R3HDM4: variants seen among roughly 807,000 people sequenced by gnomAD.
R3HDM4 encodes the protein R3H domain containing 4, also known as R3H domain-containing protein 4.
Under a neutral mutation model 31.3 loss-of-function variants are expected in R3HDM4, and 30 were observed. The observed-to-expected ratio is 0.96, with a 90% confidence interval of 0.72 to 1.30. The LOEUF (loss-of-function observed/expected upper bound fraction) is 1.30, where lower values mean the gene tolerates loss of function less well. R3HDM4 is among the 50% of genes most tolerant of loss of function. The pLI is 0.00. For missense variants in R3HDM4, 444 were observed against 366.1 expected (o/e 1.21, Z -1.74); for synonymous variants, 196 against 156.6 (o/e 1.25, Z -1.88).
chr19:904,354 G>A (rs1238696312), intron 1 of R3HDM4, among the ~76,000 whole-genome samples: 4 of 152,134 alleles, frequency 2.6e-5, no homozygotes, highest in African/African-American at 4.8e-5. Context: ...CACAGGAGAC[G>A]CTCAGAAAAA....
At chr19:905,350 C>CA (rs528965473) in intron 1 of R3HDM4, among the ~76,000 whole-genome samples, 87 of 151,218 alleles carry the variant, frequency 5.8e-4, no homozygotes, top group African/African-American at 2.0e-3. Flanking sequence ...ACTAAAAATA[C>CA]AAAAATTAGC....
chr19:898,641 G>A (rs1484307194), intron 7 of R3HDM4, among the ~76,000 whole-genome samples: 2 of 151,164 alleles, frequency 1.3e-5, no homozygotes, highest in Admixed American at 6.6e-5. Flanking sequence ...AAAGAGCCAC[G>A]TCCCATGTGA....
intron 1 of R3HDM4, among the ~76,000 whole-genome samples, chr19:910,323 C>CA (rs34077492): frequency 0.18 from 25,180 of 142,024 alleles, 3,222 homozygotes; most frequent in African/African-American, 0.38. Flanking sequence ...GAAACCATCT[C>CA]AAAAAAAAAA....
chr19:901,480 G>A lies in R3HDM4; in HGVS notation c.293C>T (p.Ala98Val). 6.2e-7 allele frequency: 1 copy of A among 1,609,368 alleles called. No homozygotes were observed. The highest frequency in any genetic ancestry group is 2.2e-5 in the East Asian group (1 of 44,842). ...GLPGLEDGDL[A>V]PPASPGIFAE... is the part of the protein sequence containing the mutation. ...AAAGATGCCTGGTGATGCAGGGGGT[G>A]CCAAGTCCCCATCCTCCAGGCCAGG... is the stretch of plus-strand genomic sequence containing the variant. The change falls in exon 3 of 8, where the codon GCA becomes GTA. Residue 98 changes from alanine (A) to valine (V), a missense_variant. By Grantham distance (64) the Ala-to-Val change is moderately conservative. Coordinates refer to ENST00000361574, the MANE Select transcript of R3HDM4 (RefSeq NM_138774.4).
Position 899,310 on chromosome 19 carries a change from C to G in R3HDM4, c.703+130G>C. ...CCCACTGCCACCCCTGAGTTCGTAG[C>G]GTCCCCACTCCAGCCCCCTTCCCCA... is the stretch of plus-strand genomic sequence containing the variant. On this transcript the variant is annotated intron_variant, in intron 7 of 7. Coordinates refer to ENST00000361574, the MANE Select transcript of R3HDM4 (RefSeq NM_138774.4). This position sits in a 1 kb window ranked among gnomAD's most constrained non-coding sequence, Gnocchi z 6.8. The G allele has an allele frequency of 1.5e-5, 14 of 907,940 alleles. No individual in the cohort carries two copies. The highest frequency in any genetic ancestry group is 2.4e-5 in the Non-Finnish European group (14 of 575,452). 56.2% of individuals were successfully genotyped at this position (907,940 alleles called of 1,614,324 possible). A position where few individuals can be genotyped will look rare whatever the true frequency, so the allele number is the denominator to read the frequency against.
In R3HDM4 at chr19:899,665, C is replaced by A. The variant is rs1474607050; in HGVS notation, c.583G>T (p.Glu195Ter). 1 of 1,598,072 alleles carries A rather than the reference C, an allele frequency of 6.3e-7. No individual in the cohort carries two copies. The highest frequency in any genetic ancestry group is 8.5e-7 in the Non-Finnish European group (1 of 1,171,582). ...ACGGAGAAGAACCGAAGCAGCCGCTCCTCCCAGGTCTCCAGCGTTTCCTGG... is the reference window on the plus strand; with the variant it reads ...ACGGAGAAGAACCGAAGCAGCCGCTACTCCCAGGTCTCCAGCGTTTCCTGG... ...IPMETLETWE[E>*]RLLRFFSVSP... The change falls in exon 6 of 8, where the codon GAG becomes TAG. Residue 195 changes from glutamate (E) to a stop codon, truncating the protein, a stop_gained. Coordinates refer to ENST00000361574, the MANE Select transcript of R3HDM4 (RefSeq NM_138774.4). LOFTEE classifies it high-confidence loss of function. This position sits in a 1 kb window ranked among gnomAD's most constrained non-coding sequence, Gnocchi z 6.8.
rs2036835173 is a variant in R3HDM4 at position 901,415 on chromosome 19, G to A, written c.351+7C>T. The stretch of plus-strand genomic sequence containing the variant: ...TGTGGAGGGAGTGAGGGGGTTGGGG[G>A]CCACACCTCCACATAGGTGGCGTTG... On this transcript the variant is annotated splice_region_variant and intron_variant, in intron 3 of 7. Transcript: ENST00000361574. 3 of 1,602,778 alleles carry A rather than the reference G, an allele frequency of 1.9e-6. No homozygotes were observed. The highest frequency in any genetic ancestry group is 2.5e-6 in the Non-Finnish European group (3 of 1,178,568).
rs2036823476 is a variant in R3HDM4 at position 900,826 on chromosome 19, C to A, written c.475+3G>T. The stretch of plus-strand genomic sequence containing the variant: ...CCCATACCCGCCCCAGCCAGGCCCG[C>A]ACCTCTCCTCCGGTCCTCCCCACGG... On this transcript the variant is annotated splice_donor_region_variant and intron_variant, in intron 4 of 7. Transcript: ENST00000361574. 5.2e-6 allele frequency: 8 copies of A among 1,537,478 alleles called. No individual in the cohort carries two copies. The highest frequency in any genetic ancestry group is 7.0e-6 in the Non-Finnish European group (8 of 1,142,682).
Position 900,807 on chromosome 19 carries a change from C to G in R3HDM4, c.475+22G>C, listed in dbSNP as rs1484607809. On this transcript the variant is annotated intron_variant, in intron 4 of 7. Transcript: ENST00000361574. ...CATCCATACCCTGGCCCCACCCATACCCGCCCCAGCCAGGCCCGCACCTCT... is the reference window on the plus strand; with the variant it reads ...CATCCATACCCTGGCCCCACCCATAGCCGCCCCAGCCAGGCCCGCACCTCT... The G allele has an allele frequency of 9.2e-6, 6 of 649,002 alleles. 1 individual carries two copies. The highest frequency in any genetic ancestry group is 4.6e-5 in the South Asian group (3 of 65,192). 40.2% of individuals were successfully genotyped at this position (649,002 alleles called of 1,614,324 possible).
intron 1 of R3HDM4, among the ~76,000 whole-genome samples, chr19:910,885 C>T (rs895926672): frequency 2.0e-5 from 3 of 151,642 alleles, no homozygotes; most frequent in Non-Finnish European, 4.4e-5. Context: ...TTTGGGAGGC[C>T]AAGGCGGGCA....
rs928474361 is a variant in R3HDM4 at position 907,424 on chromosome 19, C to G, written c.72-5294G>C. Among the ~76,000 whole-genome samples, 1 of 152,148 alleles carries G rather than the reference C, an allele frequency of 6.6e-6. No individual in the cohort carries two copies. Among genetic ancestry groups the G allele is most frequent in the South Asian group, 2.1e-4 (1 of 4,818 alleles). ...CAGGGCCGATAACAGAAGTGACATC[C>G]GAGGGGAGCCCTCGGGGAAGTCAGA... is the stretch of plus-strand genomic sequence containing the variant. On this transcript the variant is annotated intron_variant, in intron 1 of 7. Coordinates refer to ENST00000361574, the MANE Select transcript of R3HDM4 (RefSeq NM_138774.4). The surrounding 1 kb of genome is among the most constrained non-coding windows in gnomAD (Gnocchi z 4.1).
rs1477328739 is a variant in R3HDM4, at chr19:897,484, G to A, written c.760C>T (p.Leu254=). Residue 254 remains leucine (L), a synonymous_variant, in exon 8 of 8, where the codon CTG becomes TTG. Transcript: ENST00000361574. ...MKVSNRHLDF[L]PPGLLLSAYL... ...GCGGACAGGAGCAGCCCCGGCGGCA[G>A]GAAATCCAGGTGCCGATTACTGACC... 1 of 1,613,094 alleles carries A rather than the reference G, an allele frequency of 6.2e-7. No individual in the cohort carries two copies. The highest frequency in any genetic ancestry group is 1.1e-5 in the South Asian group (1 of 90,980).
rs769492622 is a variant in R3HDM4 at position 900,068 on chromosome 19, A to G, written c.554T>C (p.Ile185Thr). 2 of 1,611,838 alleles carry G rather than the reference A, an allele frequency of 1.2e-6. No individual in the cohort carries two copies. Among genetic ancestry groups the G allele is most frequent in the South Asian group, 2.2e-5 (2 of 91,048 alleles). The change falls in exon 5 of 8, where the codon ATC becomes ACC. Residue 185 changes from isoleucine (I) to threonine (T), a missense_variant. Coordinates refer to ENST00000361574, the MANE Select transcript of R3HDM4 (RefSeq NM_138774.4). ...CGGCAATCCCCCACTCACCATGGGG[A>G]TGCGGCTGCGCTTGAGGACGGCTCG... ...RLRAVLKRSRIPMETLETWEE... is the reference protein window; with the variant it reads ...RLRAVLKRSRTPMETLETWEE...
In R3HDM4 at chr19:901,704, C is replaced by T. The variant is rs774639247; in HGVS notation, c.227-158G>A. On this transcript the variant is annotated intron_variant, in intron 2 of 7. Coordinates refer to ENST00000361574, the MANE Select transcript of R3HDM4 (RefSeq NM_138774.4). ...CCAGAAGGTACAGAGACCACCTAGA[C>T]CCCAGGTTCTGGATTGTCGAACTCC... is the stretch of plus-strand genomic sequence containing the variant. 9.2e-5 allele frequency: 96 copies of T among 1,042,082 alleles called. 2 individuals are homozygous for T. The highest frequency in any genetic ancestry group is 1.2e-4 in the Non-Finnish European group (91 of 736,308). The allele number at this position is 1,042,082 out of a possible 1,614,324, so 64.6% of individuals were successfully genotyped here.
At chr19:912,963 G>A (rs1371392741) in intron 1 of R3HDM4, 124 bp downstream of exon 1, 11 of 269,486 alleles carry the variant, frequency 4.1e-5, no homozygotes, top group Admixed American at 6.3e-5. Flanking sequence ...CAACGGGAGC[G>A]AGGGGAACGA....
Position 899,944 on chromosome 19 carries a change from A to G in R3HDM4, c.561+117T>C. The G allele has an allele frequency of 8.9e-7, 1 of 1,127,842 alleles. No homozygotes were observed. The highest frequency in any genetic ancestry group is 1.9e-5 in the Admixed American group (1 of 53,004). The allele number at this position is 1,127,842 out of a possible 1,614,324, so 69.9% of individuals were successfully genotyped here. A position where few individuals can be genotyped will look rare whatever the true frequency, so the allele number is the denominator to read the frequency against. ...TCAGGGCCCTGGTGCCGCTGTCTGTATCCTGCCCTGTTTCCCCTGACACGA... is the reference window on the plus strand; with the variant it reads ...TCAGGGCCCTGGTGCCGCTGTCTGTGTCCTGCCCTGTTTCCCCTGACACGA... On this transcript the variant is annotated intron_variant, in intron 5 of 7. Coordinates refer to ENST00000361574, the MANE Select transcript of R3HDM4 (RefSeq NM_138774.4). This position sits in a 1 kb window ranked among gnomAD's most constrained non-coding sequence, Gnocchi z 6.8.
intron 7 of R3HDM4, 49 bp from the exon 8 acceptor site, chr19:897,589 G>A (rs778793503): frequency 5.2e-5 from 75 of 1,445,808 alleles, no homozygotes; most frequent in Non-Finnish European, 6.7e-5. Flanking sequence ...TGGGAGCCGC[G>A]GCAGGTAGAG....
At chr19:911,507 A>C (rs2145305390) in intron 1 of R3HDM4, among the ~76,000 whole-genome samples, 1 of 152,354 alleles carries the variant, frequency 6.6e-6, no homozygotes, top group Non-Finnish European at 1.5e-5. Flanking sequence ...GAGACAACGG[A>C]CACTCCTGTT....
chr19:901,988 G>A lies in R3HDM4; in HGVS notation c.214C>T (p.Arg72Cys), dbSNP rs755132860. The change falls in exon 2 of 8, where the codon CGC becomes TGC. Residue 72 changes from arginine to cysteine, a missense_variant. Arg to Cys is a radical substitution (Grantham distance 180, BLOSUM62 -3). Transcript: ENST00000361574. ...PKAKGRKSLQRLENTQYLLTL... is the reference protein window; with the variant it reads ...PKAKGRKSLQCLENTQYLLTL... ...GACCCCTGCTCACTGTTCTCCAGGCGCTGGAGGCTCTTCCGCCCCTTGGCC... is the reference window on the plus strand; with the variant it reads ...GACCCCTGCTCACTGTTCTCCAGGCACTGGAGGCTCTTCCGCCCCTTGGCC... 1.9e-6 allele frequency: 3 copies of A among 1,613,578 alleles called. No individual in the cohort carries two copies. Among genetic ancestry groups the A allele is most frequent in the African/African-American group, 1.3e-5 (1 of 74,932 alleles).
Sources: allele counts gnomAD v4.1 joint callset (sites outside exome capture counted in the v4.1 genomes callset), GRCh38; gene constraint gnomAD v4.1.1; non-coding constraint Gnocchi (gnomAD v3.1); transcripts MANE v1.5; gene names NCBI Gene and HGNC (gene_info 2026-07-23, HGNC 2026-07-21).